NRG2: variants seen among roughly 807,000 people sequenced by gnomAD.
The protein encoded by NRG2 is pro-neuregulin-2, membrane-bound isoform.
A neutral mutation model predicts 73.9 loss-of-function variants in NRG2; 27 were observed. The ratio of observed to expected loss-of-function variants is 0.37; its 90% confidence interval spans 0.27 to 0.50. The LOEUF (loss-of-function observed/expected upper bound fraction) is 0.50. NRG2 is among the 20% of genes least tolerant of loss of function. The probability of loss-of-function intolerance (pLI) is 0.96; values close to 1 mark genes in which losing one functional copy is unlikely to be tolerated. For synonymous variants in NRG2, 532 were observed against 541.0 expected (o/e 0.98, Z 0.23); for missense variants, 1,126 against 1,210.1 (o/e 0.93, Z 1.03).
At chr5:139,891,145 G>A (rs868640165) in intron 1 of NRG2, among the ~76,000 whole-genome samples, 1 of 152,196 alleles carries the variant, frequency 6.6e-6, no homozygotes, top group East Asian at 1.9e-4. Context: ...GGCGGTGGCC[G>A]CTGGTGGGAG....
chr5:140,030,900 A>G (rs1271444154), intron 1 of NRG2, among the ~76,000 whole-genome samples: 4 of 152,186 alleles, frequency 2.6e-5, no homozygotes, highest in African/African-American at 9.6e-5. Context: ...ATATGTTACT[A>G]AGAGACCAGT....
chr5:140,042,304 C>T, intron 1 of NRG2, 66 bp downstream of exon 1: 5 of 1,309,806 alleles, frequency 3.8e-6, no homozygotes, highest in Non-Finnish European at 5.0e-6. Flanking sequence ...ACCTCCCCGC[C>T]CCACCCCCAT....
chr5:140,025,466 G>T (rs925596788), intron 1 of NRG2, among the ~76,000 whole-genome samples: 1 of 152,028 alleles, frequency 6.6e-6, no homozygotes, highest in Non-Finnish European at 1.5e-5. Context: ...TTTATTGAGC[G>T]CCTATTACGC....
intron 5 of NRG2, among the ~76,000 whole-genome samples, chr5:139,858,298 C>T (rs773590921): frequency 1.3e-5 from 2 of 152,186 alleles, no homozygotes; most frequent in African/African-American, 4.8e-5. Flanking sequence ...CCTGCTGTGC[C>T]GCCCTCTGCA....
intron 1 of NRG2, among the ~76,000 whole-genome samples, chr5:139,911,145 A>G (rs1750783156): frequency 6.6e-6 from 1 of 152,068 alleles, no homozygotes; most frequent in African/African-American, 2.4e-5. Flanking sequence ...AGCAGCCCCA[A>G]CAATGGGGTG....
At chr5:139,953,343 G>A (rs1420105315) in intron 1 of NRG2, among the ~76,000 whole-genome samples, 1 of 152,190 alleles carries the variant, frequency 6.6e-6, no homozygotes, top group South Asian at 2.1e-4. Flanking sequence ...GAAGAAACAG[G>A]TCAGCCAGAG....
chr5:140,035,663 A>C (rs923272155), intron 1 of NRG2, among the ~76,000 whole-genome samples: 4 of 152,202 alleles, frequency 2.6e-5, no homozygotes, highest in Non-Finnish European at 4.4e-5. Flanking sequence ...CCTTCCTCTC[A>C]TTCAATTCTG....
chr5:139,848,836 G>A (rs1761217832), intron 9 of NRG2, 139 bp from the exon 10 acceptor site: 7 of 766,690 alleles, frequency 9.1e-6, no homozygotes, highest in East Asian at 6.5e-5. Flanking sequence ...CAAGAATGAC[G>A]GCAGCAACCC....
At chr5:139,885,164 T>G (rs561694837) in intron 2 of NRG2, among the ~76,000 whole-genome samples, 37 of 152,230 alleles carry the variant, frequency 2.4e-4, no homozygotes, top group Admixed American at 1.2e-3. Context: ...TATGGAGACT[T>G]GGGGTCTCAG....
chr5:139,980,956 C>G (rs1286051344), intron 1 of NRG2, among the ~76,000 whole-genome samples: 1 of 152,186 alleles, frequency 6.6e-6, no homozygotes, highest in Non-Finnish European at 1.5e-5. Flanking sequence ...GTAAATGTGT[C>G]TCAGGGGGCA....
At chr5:139,908,896 G>T (rs544202977) in intron 1 of NRG2, among the ~76,000 whole-genome samples, 1 of 152,332 alleles carries the variant, frequency 6.6e-6, no homozygotes, top group South Asian at 2.1e-4. Context: ...TCTCAGGGGA[G>T]GGAGGACAGC....
Position 139,904,443 on chromosome 5 carries a change from C to A in NRG2, c.701-16932G>T. ...GTGGGACGGCCTCAGCTCTCCGCTG[C>A]CGCGCTGCGCCCCCGCCGCCTGCAG... On this transcript the variant is annotated intron_variant, in intron 1 of 9. Transcript: ENST00000361474. The surrounding 1 kb of genome is among the most constrained non-coding windows in gnomAD (Gnocchi z 6.0). The A allele has an allele frequency of 2.6e-6, 3 of 1,174,962 alleles. No homozygotes were observed. The highest frequency in any genetic ancestry group is 1.3e-5 in the South Asian group (1 of 74,612). 72.8% of individuals were successfully genotyped at this position (1,174,962 alleles called of 1,614,324 possible). A position where few individuals can be genotyped will look rare whatever the true frequency, so the allele number is the denominator to read the frequency against.
rs556652889 is a variant in NRG2 at position 139,998,079 on chromosome 5, T to A, written c.700+44291A>T. On this transcript the variant is annotated intron_variant, in intron 1 of 9. Transcript: ENST00000361474. ...TAGAACAAGGAACAAAAATACCCTGTTTCTACATTGGTGGCAAGGGGTGGG... is the reference window on the plus strand; with the variant it reads ...TAGAACAAGGAACAAAAATACCCTGATTCTACATTGGTGGCAAGGGGTGGG... 2.6e-5 allele frequency among the ~76,000 whole-genome samples: 4 copies of A among 152,298 alleles called. No individual in the cohort carries two copies. The South Asian group carries it at 8.3e-4, about 32-fold the overall frequency.
chr5:139,921,846 GAGCTC>G, intron 1 of NRG2, among the ~76,000 whole-genome samples: 1 of 152,104 alleles, frequency 6.6e-6, no homozygotes, highest in Non-Finnish European at 1.5e-5. Context: ...TGGATCACTT[GAGCTC>G]AGGAGTTTGA....
rs370556010 is a variant in NRG2 at position 139,855,792 on chromosome 5, G to A, written c.1190-14C>T. ...GCTCCTCGGCTTCTGCAGAGGTAGGGTAGATGTGAGGGGTGGGGCAGGAGG... is the reference window on the plus strand; with the variant it reads ...GCTCCTCGGCTTCTGCAGAGGTAGGATAGATGTGAGGGGTGGGGCAGGAGG... On this transcript the variant is annotated splice_polypyrimidine_tract_variant and intron_variant, in intron 5 of 9. Transcript: ENST00000361474. 2.5e-6 allele frequency: 4 copies of A among 1,605,144 alleles called. No homozygotes were observed. The African/African-American group carries it at 4.0e-5, about 16-fold the overall frequency.
chr5:139,852,286 TG>T lies in NRG2; in HGVS notation c.1544+145del. 1.0e-6 allele frequency: 1 copy of T among 979,212 alleles called. No individual in the cohort carries two copies. The highest frequency in any genetic ancestry group is 1.5e-6 in the Non-Finnish European group (1 of 670,008). The allele number at this position is 979,212 out of a possible 1,614,324, so 60.7% of individuals were successfully genotyped here. On this transcript the variant is annotated intron_variant, in intron 8 of 9. Coordinates refer to ENST00000361474, the MANE Select transcript of NRG2 (RefSeq NM_004883.3). The surrounding 1 kb of genome is among the most constrained non-coding windows in gnomAD (Gnocchi z 4.4). ...CTGTGTGGACTGGCCTCTGCAGTTCTGGAGAGGAGGCTAAGGTGTGCTGTGA... is the reference window on the plus strand; with the variant it reads ...CTGTGTGGACTGGCCTCTGCAGTTCTGAGAGGAGGCTAAGGTGTGCTGTGA...
rs1417607760 is a variant in NRG2, at chr5:139,951,268, GA to G, written c.701-63758del. Among the ~76,000 whole-genome samples the G allele has an allele frequency of 2.6e-5, 4 of 152,370 alleles. No individual in the cohort carries two copies. The East Asian group carries it at 7.7e-4, about 29-fold the overall frequency. On this transcript the variant is annotated intron_variant, in intron 1 of 9. Transcript: ENST00000361474. The stretch of plus-strand genomic sequence containing the variant: ...GTTTTGTTTGAGGCAGAAAGATACA[GA>G]GCAGTGTTTGTGTGTGTGTCTTGGG...
At chr5:139,860,610 G>C (rs1762091720) in intron 5 of NRG2, among the ~76,000 whole-genome samples, 1 of 152,160 alleles carries the variant, frequency 6.6e-6, no homozygotes, top group Non-Finnish European at 1.5e-5. Context: ...GCCTGAGCCT[G>C]ATTTCACTAC....
rs191255267 is a variant in NRG2, at chr5:139,888,325, A to T, written c.701-814T>A. Among the ~76,000 whole-genome samples the T allele has an allele frequency of 3.1e-3, 472 of 152,066 alleles. 6 individuals carry two copies. Among genetic ancestry groups the T allele is most frequent in the Middle Eastern group, 0.014 (4 of 294 alleles). ...GACACTGATGGTGCAGATGAGACTC[A>T]GAGAGGTGAAGAAACTTGCCTGAAG... is the stretch of plus-strand genomic sequence containing the variant. On this transcript the variant is annotated intron_variant, in intron 1 of 9. Transcript: ENST00000361474.
Sources: allele counts gnomAD v4.1 joint callset (sites outside exome capture counted in the v4.1 genomes callset), GRCh38; gene constraint gnomAD v4.1.1; non-coding constraint Gnocchi (gnomAD v3.1); transcripts MANE v1.5; gene names NCBI Gene and HGNC (gene_info 2026-07-23, HGNC 2026-07-21).